The following OPHN1 variants were observed in gnomAD, a reference collection of about 807,000 sequenced individuals.
OPHN1 encodes the protein oligophrenin 1.
A neutral mutation model predicts 60.7 loss-of-function variants in OPHN1; 11 were observed. That is an observed-to-expected ratio of 0.18 (90% CI 0.11 to 0.30). The LOEUF (loss-of-function observed/expected upper bound fraction) is 0.30. Ranked by LOEUF, OPHN1 falls within the 10% of genes least tolerant of loss-of-function variation. The pLI, the probability that OPHN1 is intolerant of heterozygous loss-of-function variation, is 1.00. For synonymous variants in OPHN1, 226 were observed against 222.6 expected (o/e 1.02, Z -0.14); for missense variants, 449 against 611.0 (o/e 0.73, Z 2.80).
intron 2 of OPHN1, among the ~76,000 whole-genome samples, chrX:68,311,445 T>G (rs2078172447): frequency 8.9e-6 from 1 of 112,117 alleles, no homozygotes; most frequent in Admixed American, 9.4e-5. Flanking sequence ...TTTGTTTGTT[T>G]GTTTTGAGAT....
At chrX:68,125,165 T>C (rs746751827) in intron 15 of OPHN1, among the ~76,000 whole-genome samples, 2 of 111,543 alleles carry the variant, frequency 1.8e-5, no homozygotes, top group African/African-American at 6.5e-5. Context: ...GGAAATGTAA[T>C]ATACTAAAAC....
intron 18 of OPHN1, among the ~76,000 whole-genome samples, chrX:68,102,980 T>G (rs1251160524): frequency 4.5e-5 from 5 of 111,803 alleles, no homozygotes; most frequent in Non-Finnish European, 1.9e-5. Context: ...CTTCCAAAAC[T>G]ATTCCAAACA....
Position 68,046,114 on chromosome X carries a change from T to G in OPHN1, c.*1058A>C, listed in dbSNP as rs758872343. The G allele has an allele frequency of 8.9e-6, 1 of 112,367 alleles. No individual in the cohort carries two copies. Among genetic ancestry groups the G allele is most frequent in the South Asian group, 3.7e-4 (1 of 2,691 alleles). The allele number at this position is 112,367 out of a possible 1,213,427, so 9.3% of individuals were successfully genotyped here. On this transcript the variant is annotated 3_prime_UTR_variant, in exon 25 of 25. Transcript: ENST00000355520. ...GCCCATTTGAAATTTAGCAGAACAT[T>G]ATGGACTATCTCCCCAGAAAGGGCA...
chrX:68,328,132 CTT>C (rs577483680), intron 2 of OPHN1, among the ~76,000 whole-genome samples: 1 of 71,196 alleles, frequency 1.4e-5, no homozygotes. Flanking sequence ...CCCGGCCAAA[CTT>C]TTTTTTTTTT....
At chrX:68,173,231 C>T (rs1362740256) in intron 15 of OPHN1, among the ~76,000 whole-genome samples, 1 of 111,280 alleles carries the variant, frequency 9.0e-6, no homozygotes, top group Non-Finnish European at 1.9e-5. Flanking sequence ...ACAGTATTTC[C>T]AACAGCCCCT....
At chrX:68,423,112 G>A (rs1480276572) in intron 2 of OPHN1, among the ~76,000 whole-genome samples, 2 of 109,157 alleles carry the variant, frequency 1.8e-5, no homozygotes, top group African/African-American at 3.4e-5. Flanking sequence ...TGCAAGCTCC[G>A]CCTCCTGGGT....
At chrX:68,178,912 A>G (rs975868986) in intron 15 of OPHN1, among the ~76,000 whole-genome samples, 1 of 111,971 alleles carries the variant, frequency 8.9e-6, no homozygotes, top group African/African-American at 3.2e-5. Flanking sequence ...TAATTTCCAG[A>G]TATTTTTCAT....
chrX:68,269,848 G>C (rs2077956963), intron 5 of OPHN1, among the ~76,000 whole-genome samples: 1 of 111,707 alleles, frequency 9.0e-6, no homozygotes, highest in African/African-American at 3.3e-5. Flanking sequence ...ATCTGACAAA[G>C]GGCTAATATC....
chrX:68,380,570 G>A (rs1269744526), intron 2 of OPHN1, among the ~76,000 whole-genome samples: 1 of 111,394 alleles, frequency 9.0e-6, no homozygotes, highest in Non-Finnish European at 1.9e-5. Context: ...GGCATTTAGT[G>A]CTATAAATTT....
intron 6 of OPHN1, among the ~76,000 whole-genome samples, chrX:68,218,113 C>G (rs1380376089): frequency 2.3e-4 from 16 of 69,279 alleles, no homozygotes; most frequent in African/African-American, 6.8e-4. Flanking sequence ...AACCAAGGCT[C>G]GAGAACTACG....
chrX:68,243,102 T>C (rs1206098586), intron 5 of OPHN1, among the ~76,000 whole-genome samples: 2 of 111,038 alleles, frequency 1.8e-5, no homozygotes, highest in Non-Finnish European at 3.8e-5. Flanking sequence ...TGACCTCACA[T>C]GATCTGCCCA....
chrX:68,419,394 T>A (rs189341823), intron 2 of OPHN1, among the ~76,000 whole-genome samples: 1 of 110,314 alleles, frequency 9.1e-6, no homozygotes, highest in Admixed American at 9.8e-5. Context: ...TTTAGTACCA[T>A]TACAGAACAA....
At chrX:68,120,807 T>C (rs762899566) in intron 15 of OPHN1, among the ~76,000 whole-genome samples, 1 of 111,941 alleles carries the variant, frequency 8.9e-6, no homozygotes, top group Non-Finnish European at 1.9e-5. Context: ...AATCAACCAA[T>C]AGTACAGAAC....
At chrX:68,213,684 G>A (rs1035361297) in intron 7 of OPHN1, among the ~76,000 whole-genome samples, 178 bp downstream of exon 7, 1 of 108,877 alleles carries the variant, frequency 9.2e-6, no homozygotes, top group Non-Finnish European at 1.9e-5. Flanking sequence ...GGGTTGGGGG[G>A]AAAGAGAGAA....
At position 68,329,133 on chromosome X, in the gene OPHN1, G is replaced by T. The variant is rs768364844; in HGVS notation, c.155-30037C>A. On this transcript the variant is annotated intron_variant, in intron 2 of 24. Transcript: ENST00000355520. ...GAGTTTCGCCATGTTGGCCAGGCTG[G>T]CCTTGAACTCCTGACCTCAAGTGAT... Among the ~76,000 whole-genome samples, 9 of 111,872 alleles carry T rather than the reference G, an allele frequency of 8.0e-5. No individual in the cohort carries two copies. The South Asian group carries it at 3.4e-3, about 42-fold the overall frequency.
chrX:68,432,949 A>G lies in OPHN1; in HGVS notation c.72T>C (p.Cys24=), dbSNP rs773459026. ...DSPDFRERLK[C]YEQELERTNK... ...TGGTCCTCTCCAGTTCCTGCTCATA[A>G]CACTTGAGCCTCTCGCGGAAATCGG... Residue 24 remains cysteine (C), a synonymous_variant, in exon 2 of 25, where the codon TGT becomes TGC. Coordinates refer to ENST00000355520, the MANE Select transcript of OPHN1 (RefSeq NM_002547.3). 3.3e-6 allele frequency: 4 copies of G among 1,209,185 alleles called. No individual in the cohort carries two copies. Among genetic ancestry groups the G allele is most frequent in the Non-Finnish European group, 4.5e-6 (4 of 894,091 alleles).
intron 2 of OPHN1, among the ~76,000 whole-genome samples, chrX:68,417,800 C>G (rs1173148975): frequency 8.9e-6 from 1 of 112,463 alleles, no homozygotes; most frequent in East Asian, 2.8e-4. Context: ...GAGCTGCTGA[C>G]TCCTTAGAGG....
intron 2 of OPHN1, among the ~76,000 whole-genome samples, chrX:68,363,119 G>A (rs1447437738): frequency 4.6e-5 from 5 of 108,831 alleles, no homozygotes; most frequent in South Asian, 4.1e-4. Flanking sequence ...ACGGTGGCGC[G>A]TGCCTGTAGT....
chrX:68,411,351 G>A (rs2078768387), intron 2 of OPHN1, among the ~76,000 whole-genome samples: 1 of 112,093 alleles, frequency 8.9e-6, no homozygotes, highest in African/African-American at 3.2e-5. Flanking sequence ...TAAGTTCTTT[G>A]AGAAATCTCC....
Sources: gnomAD v4.1 joint callset for allele counts (sites outside exome capture counted in the v4.1 genomes callset) on GRCh38, gnomAD v4.1.1 for gene constraint, MANE v1.5 for transcripts, NCBI Gene and HGNC (gene_info 2026-07-23, HGNC 2026-07-21) for gene names.